The following JMJD1C variants were observed in gnomAD, a reference collection of about 807,000 sequenced individuals.
JMJD1C encodes the protein jumonji domain containing 1C, also known as jumonji domain-containing protein 1C.
In JMJD1C, 31 loss-of-function variants were observed where a neutral mutation model predicts 245.3. The ratio of observed to expected loss-of-function variants is 0.13; its 90% confidence interval spans 0.09 to 0.17. The LOEUF is 0.17. Ranked by LOEUF, JMJD1C falls within the 10% of genes least tolerant of loss-of-function variation. The probability of loss-of-function intolerance (pLI) is 1.00; values close to 1 mark genes in which losing one functional copy is unlikely to be tolerated. For synonymous variants in JMJD1C, 1,057 were observed against 1,017.4 expected (o/e 1.04, Z -0.74); for missense variants, 2,691 against 3,000.2 (o/e 0.90, Z 2.41).
chr10:63,381,015 C>G (rs375031730), intron 1 of JMJD1C, among the ~76,000 whole-genome samples: 2 of 152,256 alleles, frequency 1.3e-5, no homozygotes, highest in South Asian at 4.1e-4. Context: ...TGAAATCAAC[C>G]TAAGTATCTG....
At chr10:63,521,704 G>C in intron 1 of JMJD1C, 1 of 567,262 alleles carries the variant, frequency 1.8e-6, no homozygotes, top group Non-Finnish European at 2.7e-6. Flanking sequence ...CCTCGGGCCT[G>C]CCGAGGGTCT....
In JMJD1C at chr10:63,462,982, T is replaced by C. The variant is rs182880257; in HGVS notation, c.168+2513A>G. 3.1e-3 allele frequency among the ~76,000 whole-genome samples: 479 copies of C among 152,222 alleles called. 4 individuals are homozygous for C. Among genetic ancestry groups the C allele is most frequent in the African/African-American group, 0.011 (444 of 41,524 alleles). On this transcript the variant is annotated intron_variant, in intron 1 of 25. Transcript: ENST00000399262. ...GAGACACAATATTCCCTCAACTACT[T>C]TGAAGTTCTTATCATTATCCTTCCA... is the stretch of plus-strand genomic sequence containing the variant.
At chr10:63,413,859 T>C (rs984353069) in intron 1 of JMJD1C, among the ~76,000 whole-genome samples, 1 of 151,924 alleles carries the variant, frequency 6.6e-6, no homozygotes, top group African/African-American at 2.4e-5. Context: ...AAACCAAAGA[T>C]AAAAGGTTCC....
Position 63,191,030 on chromosome 10 carries a change from G to A in JMJD1C, c.6155C>T (p.Thr2052Ile). ...QDNSESPNGR[T>I]SPLVSQNNEQ... The stretch of plus-strand genomic sequence containing the variant: ...ATTATTCTGGGACACAAGAGGTGAT[G>A]TTCTGCCATTTGGAGATTCAGAGTT... The change falls in exon 17 of 26, where the codon ACA (threonine) becomes ATA (isoleucine). Residue 2052 changes from threonine to isoleucine, a missense_variant. By Grantham distance (89) the Thr-to-Ile change is moderately conservative (BLOSUM62 -1). Transcript: ENST00000399262. 6.2e-7 allele frequency: 1 copy of A among 1,614,118 alleles called. No homozygotes were observed. The highest frequency in any genetic ancestry group is 1.1e-5 in the South Asian group (1 of 91,082).
intron 1 of JMJD1C, among the ~76,000 whole-genome samples, chr10:63,495,839 T>C (rs1009633909): frequency 6.6e-6 from 1 of 151,232 alleles, no homozygotes; most frequent in African/African-American, 2.4e-5. Context: ...TATACCTCAG[T>C]GTAACAAAAA....
intron 3 of JMJD1C, among the ~76,000 whole-genome samples, chr10:63,220,614 C>T (rs1037311949): frequency 6.6e-6 from 1 of 152,132 alleles, no homozygotes. Context: ...ACAACCAATT[C>T]TCTCTCATTG....
At chr10:63,317,048 C>T (rs1001723607) in intron 2 of JMJD1C, among the ~76,000 whole-genome samples, 6 of 150,952 alleles carry the variant, frequency 4.0e-5, no homozygotes, top group Non-Finnish European at 7.4e-5. Flanking sequence ...TTAGAAGAGA[C>T]GGGGTTTTGC....
At chr10:63,494,236 G>A (rs918677313) in intron 1 of JMJD1C, among the ~76,000 whole-genome samples, 14 of 152,092 alleles carry the variant, frequency 9.2e-5, no homozygotes, top group East Asian at 3.9e-4. Flanking sequence ...ACTTGAACCC[G>A]GGAGGCAGAG....
At chr10:63,340,063 A>AAATT (rs1943227381) in intron 2 of JMJD1C, among the ~76,000 whole-genome samples, 1 of 151,744 alleles carries the variant, frequency 6.6e-6, no homozygotes, top group South Asian at 2.1e-4. Flanking sequence ...TCATTTCAAT[A>AAATT]AATAAATAAT....
intron 1 of JMJD1C, among the ~76,000 whole-genome samples, chr10:63,484,185 T>C (rs1183531564): frequency 6.8e-6 from 1 of 147,220 alleles, no homozygotes; most frequent in Non-Finnish European, 1.5e-5. Context: ...TCCCAGCACC[T>C]TGGGATGGAT....
intron 2 of JMJD1C, among the ~76,000 whole-genome samples, chr10:63,319,998 TC>T (rs1431973352): frequency 1.3e-5 from 2 of 152,172 alleles, no homozygotes; most frequent in African/African-American, 4.8e-5. Context: ...ACTCCTGACC[TC>T]AGGTGATCCA....
rs2133164933 is a variant in JMJD1C, at chr10:63,208,757, G to T, written c.2912C>A (p.Ala971Glu). ...KAFMEPLRSV[A>E]STSAKNDLDL... ...CAGGTCATTTTTGGCTGATGTGGAT[G>T]CAACAGACCGTAATGGTTCCATAAA... Residue 971 changes from alanine to glutamate, a missense_variant, in exon 10 of 26, where the codon GCA becomes GAA. Around this residue, in one of 9 missense-constraint regions of JMJD1C, gnomAD observed 1,562 missense variants for 1,490.7 expected, o/e 1.05. Transcript: ENST00000399262. 6.2e-7 allele frequency: 1 copy of T among 1,611,004 alleles called. No individual in the cohort carries two copies. Among genetic ancestry groups the T allele is most frequent in the Non-Finnish European group, 8.5e-7 (1 of 1,179,012 alleles).
At chr10:63,410,084 C>G (rs956720600) in intron 1 of JMJD1C, among the ~76,000 whole-genome samples, 1 of 152,116 alleles carries the variant, frequency 6.6e-6, no homozygotes, top group African/African-American at 2.4e-5. Flanking sequence ...CTCACTGCCC[C>G]TTCCTAAATG....
At chr10:63,397,924 CTT>C (rs1256460521) in intron 1 of JMJD1C, among the ~76,000 whole-genome samples, 8 of 152,196 alleles carry the variant, frequency 5.3e-5, no homozygotes, top group African/African-American at 1.2e-4. Flanking sequence ...AATTTAGTCT[CTT>C]AATGTGTAAC....
In JMJD1C at chr10:63,219,963, G is replaced by A. The variant is rs145265323; in HGVS notation, c.468C>T (p.Asn156=). 18 of 1,612,980 alleles carry A rather than the reference G, an allele frequency of 1.1e-5. No homozygotes were observed. Among genetic ancestry groups the A allele is most frequent in the Admixed American group, 1.7e-5 (1 of 59,986 alleles). The change falls in exon 4 of 26, where the codon AAC becomes AAT. Residue 156 remains asparagine (N), a synonymous_variant. Coordinates refer to ENST00000399262, the MANE Select transcript of JMJD1C (RefSeq NM_032776.3). Reference sequence around the variant, plus strand: ...GCTGCGGGTTGTCCCTGAGAACTGGGTTTAGGCTGTCTATGTCGTCCTAGA... The same window carrying A: ...GCTGCGGGTTGTCCCTGAGAACTGGATTTAGGCTGTCTATGTCGTCCTAGA... ...QPYQDDIDSL[N]PVLRDNPQLH...
intron 5 of JMJD1C, 81 bp from the exon 6 acceptor site, chr10:63,215,777 G>C: frequency 1.1e-6 from 1 of 937,838 alleles, no homozygotes; most frequent in Non-Finnish European, 1.5e-6. Context: ...TTACTCAGTA[G>C]AAATGTTTAG....
At chr10:63,343,737 A>T (rs55979401) in intron 2 of JMJD1C, among the ~76,000 whole-genome samples, 5,069 of 152,078 alleles carry the variant, frequency 0.033, 277 homozygotes, top group African/African-American at 0.11. Context: ...AATTATTTTT[A>T]AAAAAAATTA....
intron 22 of JMJD1C, among the ~76,000 whole-genome samples, chr10:63,182,168 G>A (rs909032947): frequency 7.2e-5 from 11 of 152,164 alleles, no homozygotes; most frequent in Non-Finnish European, 7.3e-5. Context: ...TCTATTTCAT[G>A]GCTGGATGTC....
chr10:63,191,403 G>C (rs994458570), intron 16 of JMJD1C, among the ~76,000 whole-genome samples: 2 of 152,072 alleles, frequency 1.3e-5, no homozygotes, highest in Non-Finnish European at 2.9e-5. Flanking sequence ...CAAACTGCTG[G>C]GATTACAGGC....
Sources: allele counts gnomAD v4.1 joint callset (sites outside exome capture counted in the v4.1 genomes callset), GRCh38; gene constraint gnomAD v4.1.1; regional missense constraint gnomAD v4.1.1; transcripts MANE v1.5; gene names NCBI Gene and HGNC (gene_info 2026-07-23, HGNC 2026-07-21).